CAMK2B: variants seen among roughly 807,000 people sequenced by gnomAD.
CAMK2B encodes the protein calcium/calmodulin dependent protein kinase II beta, also known as calcium/calmodulin-dependent protein kinase type II subunit beta.
Under a neutral mutation model 93.7 loss-of-function variants are expected in CAMK2B, and 27 were observed. The ratio of observed to expected loss-of-function variants is 0.29; its 90% CI spans 0.21 to 0.40. CAMK2B has a LOEUF of 0.40. Ranked by LOEUF, CAMK2B falls within the 10% of genes least tolerant of loss-of-function variation. The pLI is 1.00. For missense variants in CAMK2B, 568 were observed against 895.8 expected (o/e 0.63, Z 4.67); for synonymous variants, 374 against 358.8 (o/e 1.04, Z -0.48).
At chr7:44,255,592 C>T (rs1042775902) in intron 4 of CAMK2B, among the ~76,000 whole-genome samples, 4 of 152,334 alleles carry the variant, frequency 2.6e-5, no homozygotes, top group Admixed American at 2.6e-4. Context: ...TCCCCATCCC[C>T]CCGCCTGCTC....
intron 1 of CAMK2B, among the ~76,000 whole-genome samples, chr7:44,313,961 T>C (rs1378109438): frequency 2.0e-5 from 3 of 151,960 alleles, no homozygotes; most frequent in Non-Finnish European, 2.9e-5. Flanking sequence ...CAAAGCCGCA[T>C]TTCTGCTGGG....
At chr7:44,272,048 G>A (rs912361321) in intron 2 of CAMK2B, among the ~76,000 whole-genome samples, 1 of 152,174 alleles carries the variant, frequency 6.6e-6, no homozygotes, top group Admixed American at 6.5e-5. Context: ...CCCCGTCACA[G>A]GAGGCCCCAC....
At chr7:44,282,894 C>T (rs1415351619) in intron 2 of CAMK2B, among the ~76,000 whole-genome samples, 3 of 152,348 alleles carry the variant, frequency 2.0e-5, no homozygotes, top group Middle Eastern at 3.4e-3. Flanking sequence ...TCCCAATTAG[C>T]TCAGATTTGT....
rs934473793 is a variant in CAMK2B, at chr7:44,217,409, G to GA, written c.*2115dup. 6.1e-4 allele frequency: 93 copies of GA among 151,860 alleles called. 1 individual carries two copies. The East Asian group carries it at 0.011, about 18-fold the overall frequency. The allele number at this position is 151,860 out of a possible 1,614,324, so 9.4% of individuals were successfully genotyped here. A position where few individuals can be genotyped will look rare whatever the true frequency, so the allele number is the denominator to read the frequency against. ...GGTCATGCAAAAGAATTATCCCCCA[G>GA]AAAAAAAATCCCCAAATTATCCCAG... On this transcript the variant is annotated 3_prime_UTR_variant, in exon 24 of 24. Transcript: ENST00000395749.
chr7:44,246,253 G>C (rs2096728423), intron 6 of CAMK2B, among the ~76,000 whole-genome samples: 1 of 151,874 alleles, frequency 6.6e-6, no homozygotes, highest in Non-Finnish European at 1.5e-5. Context: ...CTCACAGTTA[G>C]ACCCTGAGTG....
chr7:44,265,552 C>A (rs529311612), intron 2 of CAMK2B, among the ~76,000 whole-genome samples: 1 of 152,344 alleles, frequency 6.6e-6, no homozygotes, highest in Admixed American at 6.5e-5. Flanking sequence ...TCAATAAAAT[C>A]ATAAATCCAA....
intron 2 of CAMK2B, chr7:44,264,050 G>C (rs1405275113): frequency 6.5e-6 from 1 of 154,564 alleles, no homozygotes; most frequent in Admixed American, 6.5e-5. Context: ...GACGTGACTG[G>C]GGAGGGGGCA....
intron 16 of CAMK2B, 98 bp from the exon 17 acceptor site, chr7:44,231,152 G>GCCCCCC: frequency 3.1e-6 from 2 of 641,398 alleles, no homozygotes. Flanking sequence ...GTCAGGACCA[G>GCCCCCC]CCCAGGCTCT....
intron 17 of CAMK2B, chr7:44,229,732 C>CCAGCAGAGGCCAGGG: frequency 9.0e-6 from 4 of 444,708 alleles, no homozygotes; most frequent in Non-Finnish European, 1.6e-5. Context: ...AGAGCCAGAG[C>CCAGCAGAGGCCAGGG]CAGCAGAGGC....
chr7:44,241,672 TG>T (rs747960856), intron 11 of CAMK2B, 27 bp downstream of exon 11: 9 of 1,578,444 alleles, frequency 5.7e-6, no homozygotes, highest in Non-Finnish European at 7.8e-6. Context: ...AGCATGGCCG[TG>T]CCTGGGACTA....
At chr7:44,234,745 C>T (rs2128935207) in intron 13 of CAMK2B, 69 bp from the exon 14 acceptor site, 14 of 1,519,288 alleles carry the variant, frequency 9.2e-6, no homozygotes, top group East Asian at 6.8e-5. Context: ...CAACCCCACC[C>T]CTTTGCCTGA....
intron 2 of CAMK2B, among the ~76,000 whole-genome samples, chr7:44,276,992 A>G (rs1295800124): frequency 6.6e-6 from 1 of 152,162 alleles, no homozygotes; most frequent in Non-Finnish European, 1.5e-5. Flanking sequence ...GGGCCATTCC[A>G]GGGCACGGAC....
intron 2 of CAMK2B, 56 bp from the exon 3 acceptor site, chr7:44,263,120 G>A (rs769830625): frequency 1.3e-6 from 2 of 1,560,024 alleles, no homozygotes; most frequent in Non-Finnish European, 1.8e-6. Context: ...GGTGGCCCAG[G>A]GATCGTCCAT....
At chr7:44,221,546 G>A (rs1469665260) in intron 20 of CAMK2B, among the ~76,000 whole-genome samples, 1 of 136,338 alleles carries the variant, frequency 7.3e-6, no homozygotes, top group Non-Finnish European at 1.7e-5. Context: ...GGCTGTCCCC[G>A]CAGCAGGAAG....
chr7:44,280,678 T>C (rs2097095215), intron 2 of CAMK2B, among the ~76,000 whole-genome samples: 1 of 152,238 alleles, frequency 6.6e-6, no homozygotes, highest in Non-Finnish European at 1.5e-5. Flanking sequence ...GGGGTCTCAG[T>C]GGCTCTGCCA....
Position 44,306,604 on chromosome 7 carries a change from C to T in CAMK2B, c.65+18753G>A, listed in dbSNP as rs116423557. ...GGCCTAGCCTCTAGGGTGGAGAGGT[C>T]CAGCCTGTCTCTTAGCCCTGGACCC... On this transcript the variant is annotated intron_variant, in intron 1 of 23. Transcript: ENST00000395749. Among the ~76,000 whole-genome samples, 969 of 152,344 alleles carry T rather than the reference C, an allele frequency of 6.4e-3. 17 individuals carry two copies. Among genetic ancestry groups the T allele is most frequent in the African/African-American group, 0.022 (932 of 41,572 alleles).
chr7:44,322,523 A>C (rs1796359943), intron 1 of CAMK2B, among the ~76,000 whole-genome samples: 1 of 152,164 alleles, frequency 6.6e-6, no homozygotes, highest in South Asian at 2.1e-4. Flanking sequence ...ATCCAATATA[A>C]AAAAAATAAA....
chr7:44,291,302 G>A (rs1786762144), intron 1 of CAMK2B, among the ~76,000 whole-genome samples: 1 of 152,298 alleles, frequency 6.6e-6, no homozygotes, highest in South Asian at 2.1e-4. Flanking sequence ...CGCCAGGCAG[G>A]AGCTGGAGTC....
Position 44,243,236 on chromosome 7 carries a change from A to T in CAMK2B, c.601+14T>A. 6.2e-7 allele frequency: 1 copy of T among 1,606,568 alleles called. No homozygotes were observed. Among genetic ancestry groups the T allele is most frequent in the South Asian group, 1.1e-5 (1 of 90,874 alleles). Reference sequence around the variant, plus strand: ...CCGAGGCCCTGCCCCGCACCAACTCAGGCCAGGCCTCACCACATGCCCAGA... The same window carrying T: ...CCGAGGCCCTGCCCCGCACCAACTCTGGCCAGGCCTCACCACATGCCCAGA... On this transcript the variant is annotated intron_variant, in intron 8 of 23. Transcript: ENST00000395749.
Sources: allele counts gnomAD v4.1 joint callset (sites outside exome capture counted in the v4.1 genomes callset), GRCh38; gene constraint gnomAD v4.1.1; transcripts MANE v1.5; gene names NCBI Gene and HGNC (gene_info 2026-07-23, HGNC 2026-07-21).